APBA2: variants seen among roughly 807,000 people sequenced by gnomAD.
APBA2 encodes the protein amyloid-beta A4 precursor protein-binding family A member 2.
A neutral mutation model predicts 75.0 loss-of-function variants in APBA2; 30 were observed. The observed-to-expected ratio is 0.40, with a 90% CI of 0.30 to 0.54. APBA2 has a LOEUF of 0.54. Ranked by LOEUF, APBA2 falls within the 20% of genes least tolerant of loss-of-function variation. The pLI, the probability that APBA2 is intolerant of heterozygous loss-of-function variation, is 0.49. For synonymous variants in APBA2, 444 were observed against 409.6 expected, an observed-to-expected ratio of 1.08 and a Z score of -1.01; for missense variants, 801 against 1,016.1, an observed-to-expected ratio of 0.79 and a Z score of 2.88.
At chr15:28,897,595 G>A (rs1316152394) in intron 1 of APBA2, among the ~76,000 whole-genome samples, 1 of 118,692 alleles carries the variant, frequency 8.4e-6, no homozygotes, top group Non-Finnish European at 1.6e-5. Flanking sequence ...TCCAGCCTGG[G>A]CAACAGAGCG....
At chr15:29,109,783 C>T (rs988075004) in intron 13 of APBA2, among the ~76,000 whole-genome samples, 2 of 152,250 alleles carry the variant, frequency 1.3e-5, no homozygotes, top group African/African-American at 4.8e-5. Context: ...TCACTGGATT[C>T]CCCTCAAAAG....
intron 3 of APBA2, among the ~76,000 whole-genome samples, chr15:29,004,912 T>C (rs2039033689): frequency 6.6e-6 from 1 of 152,146 alleles, no homozygotes; most frequent in East Asian, 1.9e-4. Flanking sequence ...ACTCCTGATC[T>C]CAGGTGATCC....
chr15:28,964,849 T>C (rs149618185), intron 2 of APBA2, among the ~76,000 whole-genome samples: 1 of 152,252 alleles, frequency 6.6e-6, no homozygotes, highest in East Asian at 1.9e-4. Context: ...GGGCTGTTTA[T>C]ATATTCTAGA....
intron 4 of APBA2, among the ~76,000 whole-genome samples, chr15:29,061,418 C>T (rs2042125273): frequency 6.6e-6 from 1 of 152,152 alleles, no homozygotes; most frequent in Admixed American, 6.5e-5. Context: ...AGCTCCACAC[C>T]TTGGAATGGC....
intron 2 of APBA2, among the ~76,000 whole-genome samples, chr15:28,943,884 T>G (rs572996488): frequency 6.6e-6 from 1 of 152,314 alleles, no homozygotes; most frequent in South Asian, 2.1e-4. Flanking sequence ...CAGGCTCTTA[T>G]GGATCCCAGA....
chr15:29,111,442 A>T (rs1378182610), intron 13 of APBA2, among the ~76,000 whole-genome samples: 4 of 152,108 alleles, frequency 2.6e-5, no homozygotes, highest in Non-Finnish European at 5.9e-5. Context: ...AGGATACAGG[A>T]CAGCTCACCC....
chr15:28,971,312 CAGG>C lies in APBA2; in HGVS notation c.-94-24436_-94-24434del, dbSNP rs537102482. Among the ~76,000 whole-genome samples, 62 of 152,146 alleles carry C rather than the reference CAGG, an allele frequency of 4.1e-4. 1 individual carries two copies. The South Asian group carries it at 0.013, about 31-fold the overall frequency. On this transcript the variant is annotated intron_variant, in intron 2 of 14. Coordinates refer to ENST00000683413, the MANE Select transcript of APBA2 (RefSeq NM_001353788.2). ...TCTCCCTGAAAAACATACAGTTAAT[CAGG>C]AGGAAAATATAGTTGCCCATAGTCC...
At chr15:29,028,539 G>A (rs2040337747) in intron 3 of APBA2, among the ~76,000 whole-genome samples, 1 of 152,100 alleles carries the variant, frequency 6.6e-6, no homozygotes, top group Non-Finnish European at 1.5e-5. Context: ...GGGATCACTG[G>A]GTCAAATGGT....
chr15:29,047,640 G>T (rs2041400422), intron 3 of APBA2, among the ~76,000 whole-genome samples: 1 of 152,198 alleles, frequency 6.6e-6, no homozygotes, highest in South Asian at 2.1e-4. Context: ...TAAGTCAAGG[G>T]TGCCTGTTAG....
chr15:28,988,256 T>C (rs970032826), intron 2 of APBA2, among the ~76,000 whole-genome samples: 1 of 151,988 alleles, frequency 6.6e-6, no homozygotes, highest in Non-Finnish European at 1.5e-5. Flanking sequence ...TGTATTTTTT[T>C]CTGTAGTGTG....
Position 29,070,558 on chromosome 15 carries a change from C to T in APBA2, c.952-4363C>T, listed in dbSNP as rs1009199500. The T allele has an allele frequency of 1.3e-5, 2 of 155,680 alleles. 1 individual carries two copies. Among genetic ancestry groups the T allele is most frequent in the Admixed American group, 1.2e-4 (2 of 16,072 alleles). The allele number at this position is 155,680 out of a possible 1,614,324, so 9.6% of individuals were successfully genotyped here. A position where few individuals can be genotyped will look rare whatever the true frequency, so the allele number is the denominator to read the frequency against. On this transcript the variant is annotated intron_variant, in intron 4 of 14. Coordinates refer to ENST00000683413, the MANE Select transcript of APBA2 (RefSeq NM_001353788.2). ...TCCATTCTCCTCAAGATAAACATCA[C>T]AGGAGTGACCTGAATTGTAAAGAGG...
chr15:29,080,668 C>T (rs1006397530), intron 6 of APBA2, among the ~76,000 whole-genome samples: 1 of 152,164 alleles, frequency 6.6e-6, no homozygotes, highest in Non-Finnish European at 1.5e-5. Flanking sequence ...TCCTACAGGA[C>T]GTGGTGTCTG....
chr15:28,967,886 C>G (rs1288306268), intron 2 of APBA2, among the ~76,000 whole-genome samples: 3 of 152,218 alleles, frequency 2.0e-5, no homozygotes, highest in Non-Finnish European at 4.4e-5. Flanking sequence ...CACCACCACT[C>G]ATCTCCAGAA....
At chr15:28,983,643 C>T (rs1455202826) in intron 2 of APBA2, among the ~76,000 whole-genome samples, 2 of 152,194 alleles carry the variant, frequency 1.3e-5, no homozygotes, top group Non-Finnish European at 2.9e-5. Flanking sequence ...CCACCCACCT[C>T]GCGGTGTAGG....
intron 6 of APBA2, among the ~76,000 whole-genome samples, chr15:29,088,608 G>A (rs977987845): frequency 2.0e-5 from 3 of 152,096 alleles, no homozygotes; most frequent in African/African-American, 4.8e-5. Context: ...CACCCTGTCC[G>A]TACCATCATC....
chr15:29,113,390 G>A (rs1397161113), intron 13 of APBA2, among the ~76,000 whole-genome samples: 2 of 152,228 alleles, frequency 1.3e-5, no homozygotes, highest in African/African-American at 2.4e-5. Flanking sequence ...CTTCCCTGTC[G>A]ATGTAGACCA....
At chr15:29,067,244 G>C (rs1380992510) in intron 4 of APBA2, among the ~76,000 whole-genome samples, 1 of 152,104 alleles carries the variant, frequency 6.6e-6, no homozygotes, top group Non-Finnish European at 1.5e-5. Context: ...TGAGATTTGG[G>C]CAGGGACAAA....
At chr15:28,984,043 C>G (rs2037765432) in intron 2 of APBA2, among the ~76,000 whole-genome samples, 1 of 152,188 alleles carries the variant, frequency 6.6e-6, no homozygotes, top group South Asian at 2.1e-4. Flanking sequence ...GACACTCACA[C>G]TTTGGTGTGA....
intron 1 of APBA2, among the ~76,000 whole-genome samples, chr15:28,915,098 C>CCCATGT (rs2033610746): frequency 5.6e-5 from 6 of 107,320 alleles, no homozygotes; most frequent in African/African-American, 1.0e-4. Context: ...ACAAACATAC[C>CCCATGT]ATACCCACCT....
Sources: allele counts gnomAD v4.1 joint callset (sites outside exome capture counted in the v4.1 genomes callset), GRCh38; gene constraint gnomAD v4.1.1; transcripts MANE v1.5; gene names NCBI Gene and HGNC (gene_info 2026-07-23, HGNC 2026-07-21).